Variants in SUGT1 observed in about 807,000 individuals in gnomAD.
SUGT1 encodes the protein SGT1 assembly cochaperone of MIS12 kinetochore complex.
Under a neutral mutation model 56.1 loss-of-function variants are expected in SUGT1, and 15 were observed. That is an observed-to-expected ratio of 0.27 (90% CI 0.18 to 0.41). The LOEUF (loss-of-function observed/expected upper bound fraction) is 0.41. SUGT1 is among the 10% of genes least tolerant of loss of function. The pLI, the probability that SUGT1 is intolerant of heterozygous loss-of-function variation, is 1.00. For missense variants in SUGT1, 347 were observed against 382.2 expected (o/e 0.91, Z 0.77); for synonymous variants, 123 against 128.6 (o/e 0.96, Z 0.30).
chr13:52,699,920 T>C lies in SUGT1; in HGVS notation c.*12085T>C, dbSNP rs1964035957. On this transcript the variant is annotated 3_prime_UTR_variant, in exon 13 of 13. Transcript: ENST00000310528. ...GTCTTTCACACTATCTTGTTACTAT[T>C]AGAATTTTTGTAGCCATGTGCAGAG... 1 of 152,190 alleles carries C rather than the reference T, an allele frequency of 6.6e-6. No individual in the cohort carries two copies. 9.4% of individuals were successfully genotyped at this position (152,190 alleles called of 1,614,324 possible). A position where few individuals can be genotyped will look rare whatever the true frequency, so the allele number is the denominator to read the frequency against.
intron 12 of SUGT1, among the ~76,000 whole-genome samples, chr13:52,683,872 ATTC>A (rs1484886299): frequency 6.6e-6 from 1 of 151,718 alleles, no homozygotes; most frequent in Non-Finnish European, 1.5e-5. Flanking sequence ...ATAGTCCCTT[ATTC>A]TTTTTGTTTT....
At chr13:52,683,934 G>T (rs1963471446) in intron 12 of SUGT1, among the ~76,000 whole-genome samples, 1 of 152,176 alleles carries the variant, frequency 6.6e-6, no homozygotes, top group Admixed American at 6.5e-5. Flanking sequence ...AGGCTAGAGT[G>T]TAGTAGTGTG....
chr13:52,656,468 G>C (rs1962173496), intron 2 of SUGT1, among the ~76,000 whole-genome samples: 1 of 152,064 alleles, frequency 6.6e-6, no homozygotes, highest in Non-Finnish European at 1.5e-5. Context: ...CCATACTGCA[G>C]CCAGAATGAC....
At chr13:52,684,586 G>A (rs1306115214) in intron 12 of SUGT1, among the ~76,000 whole-genome samples, 1 of 151,908 alleles carries the variant, frequency 6.6e-6, no homozygotes, top group Non-Finnish European at 1.5e-5. Context: ...TCGCCCAGAG[G>A]GGAGTGCAGT....
In SUGT1 at chr13:52,693,973, G is replaced by C. The variant is rs1009661480; in HGVS notation, c.*6138G>C. ...TACTTATGATAAAGTTTATAAATTAGGCACAGTAAGATATTAATAATAGAA... is the reference window on the plus strand; with the variant it reads ...TACTTATGATAAAGTTTATAAATTACGCACAGTAAGATATTAATAATAGAA... On this transcript the variant is annotated 3_prime_UTR_variant, in exon 13 of 13. Coordinates refer to ENST00000310528, the MANE Select transcript of SUGT1 (RefSeq NM_006704.5). The C allele has an allele frequency of 6.6e-6, 1 of 151,952 alleles. No individual in the cohort carries two copies. The highest frequency in any genetic ancestry group is 1.5e-5 in the Non-Finnish European group (1 of 68,006). The allele number at this position is 151,952 out of a possible 1,614,324, so 9.4% of individuals were successfully genotyped here.
chr13:52,699,780 T>C lies in SUGT1; in HGVS notation c.*11945T>C, dbSNP rs970413496. On this transcript the variant is annotated 3_prime_UTR_variant, in exon 13 of 13. Coordinates refer to ENST00000310528, the MANE Select transcript of SUGT1 (RefSeq NM_006704.5). The stretch of plus-strand genomic sequence containing the variant: ...AGCTGAAAAGAAAATTCTTAGCAAT[T>C]CATACCTTAGAAGGAACCCTGAAGG... 6 of 152,208 alleles carry C rather than the reference T, an allele frequency of 3.9e-5. No homozygotes were observed. The highest frequency in any genetic ancestry group is 8.8e-5 in the Non-Finnish European group (6 of 68,020). 9.4% of individuals were successfully genotyped at this position (152,208 alleles called of 1,614,324 possible). A position where few individuals can be genotyped will look rare whatever the true frequency, so the allele number is the denominator to read the frequency against.
At chr13:52,653,627 C>T (rs527975108) in intron 2 of SUGT1, among the ~76,000 whole-genome samples, 2 of 152,164 alleles carry the variant, frequency 1.3e-5, no homozygotes, top group South Asian at 4.1e-4. Flanking sequence ...TGTGCAAAGG[C>T]GCTGATTGCT....
chr13:52,697,176 A>T lies in SUGT1; in HGVS notation c.*9341A>T, dbSNP rs1191120121. 2 of 151,418 alleles carry T rather than the reference A, an allele frequency of 1.3e-5. No individual in the cohort carries two copies. The highest frequency in any genetic ancestry group is 1.3e-4 in the Admixed American group (2 of 15,190). The allele number at this position is 151,418 out of a possible 1,614,324, so 9.4% of individuals were successfully genotyped here. On this transcript the variant is annotated 3_prime_UTR_variant, in exon 13 of 13. Transcript: ENST00000310528. ...TGCCACCACTCCCAGCTAATTTTTA[A>T]ATTTTGTGTAGAGATGGGGTCTCCC...
chr13:52,654,182 T>C (rs1230308481), intron 2 of SUGT1, among the ~76,000 whole-genome samples: 1 of 152,206 alleles, frequency 6.6e-6, no homozygotes, highest in Non-Finnish European at 1.5e-5. Context: ...AGGGTCCAGG[T>C]GTGTTTTTTA....
At chr13:52,674,538 A>T (rs985511118) in intron 10 of SUGT1, among the ~76,000 whole-genome samples, 1 of 152,092 alleles carries the variant, frequency 6.6e-6, no homozygotes, top group Non-Finnish European at 1.5e-5. Context: ...TTAAGGTGCA[A>T]ATTTTGAAGG....
At chr13:52,662,001 TTC>T (rs1962478475) in intron 5 of SUGT1, among the ~76,000 whole-genome samples, 1 of 152,244 alleles carries the variant, frequency 6.6e-6, no homozygotes, top group Non-Finnish European at 1.5e-5. Context: ...GTAATCATTG[TTC>T]TGTGTCTCCA....
intron 12 of SUGT1, 67 bp downstream of exon 12, chr13:52,680,222 GT>G: frequency 6.8e-7 from 1 of 1,470,162 alleles, no homozygotes; most frequent in Non-Finnish European, 9.1e-7. Flanking sequence ...GAGAAAATTG[GT>G]AATGTGAGAC....
rs1275459816 is a variant in SUGT1, at chr13:52,696,857, A to G, written c.*9022A>G. ...AGCCACGAGAGCTAATTTTAACTACATTGTTAGAGGTAGTAACAGTTATAT... is the reference window on the plus strand; with the variant it reads ...AGCCACGAGAGCTAATTTTAACTACGTTGTTAGAGGTAGTAACAGTTATAT... On this transcript the variant is annotated 3_prime_UTR_variant, in exon 13 of 13. Coordinates refer to ENST00000310528, the MANE Select transcript of SUGT1 (RefSeq NM_006704.5). The G allele has an allele frequency of 6.7e-6, 1 of 148,320 alleles. No individual in the cohort carries two copies. The highest frequency in any genetic ancestry group is 2.5e-5 in the African/African-American group (1 of 40,090). 9.2% of individuals were successfully genotyped at this position (148,320 alleles called of 1,614,324 possible). A position where few individuals can be genotyped will look rare whatever the true frequency, so the allele number is the denominator to read the frequency against.
intron 8 of SUGT1, among the ~76,000 whole-genome samples, chr13:52,665,059 A>T (rs1438142107): frequency 6.6e-6 from 1 of 152,102 alleles, no homozygotes; most frequent in Non-Finnish European, 1.5e-5. Context: ...ATTGAAGGAA[A>T]GTGTTGTATA....
At chr13:52,670,438 T>C (rs899206198) in intron 10 of SUGT1, among the ~76,000 whole-genome samples, 13 of 152,218 alleles carry the variant, frequency 8.5e-5, no homozygotes, top group African/African-American at 3.1e-4. Flanking sequence ...GGTCACAGTC[T>C]CAGAATTGTG....
At position 52,699,922 on chromosome 13, in the gene SUGT1, G is replaced by T. The variant is rs1010180493; in HGVS notation, c.*12087G>T. On this transcript the variant is annotated 3_prime_UTR_variant, in exon 13 of 13. Transcript: ENST00000310528. ...CTTTCACACTATCTTGTTACTATTA[G>T]AATTTTTGTAGCCATGTGCAGAGGA... The T allele has an allele frequency of 1.3e-5, 2 of 152,166 alleles. No homozygotes were observed. Among genetic ancestry groups the T allele is most frequent in the African/African-American group, 4.8e-5 (2 of 41,444 alleles). The allele number at this position is 152,166 out of a possible 1,614,324, so 9.4% of individuals were successfully genotyped here.
chr13:52,662,576 G>A, intron 5 of SUGT1, 73 bp from the exon 6 acceptor site: 2 of 1,499,618 alleles, frequency 1.3e-6, no homozygotes, highest in South Asian at 2.3e-5. Flanking sequence ...GGATGTAGTA[G>A]GTATTCAGTA....
Position 52,699,345 on chromosome 13 carries a change from T to C in SUGT1, c.*11510T>C, listed in dbSNP as rs4278636. ...AAACACTTTTATCACTGCTAAGATA[T>C]TACTAGAACTGAGCAGAGAAATACT... On this transcript the variant is annotated 3_prime_UTR_variant, in exon 13 of 13. Coordinates refer to ENST00000310528, the MANE Select transcript of SUGT1 (RefSeq NM_006704.5). The C allele has an allele frequency of 0.94, 143,585 of 152,258 alleles. 67,724 individuals carry two copies. Among genetic ancestry groups the C allele is most frequent in the East Asian group, 0.99 (5,139 of 5,182 alleles). The allele number at this position is 152,258 out of a possible 1,614,324, so 9.4% of individuals were successfully genotyped here. A position where few individuals can be genotyped will look rare whatever the true frequency, so the allele number is the denominator to read the frequency against.
chr13:52,675,218 C>T (rs1963096875), intron 10 of SUGT1, among the ~76,000 whole-genome samples: 1 of 152,148 alleles, frequency 6.6e-6, no homozygotes, highest in Admixed American at 6.5e-5. Context: ...TTATTTAGAA[C>T]TTCAGTAACT....
Sources: gnomAD v4.1 joint callset for allele counts (sites outside exome capture counted in the v4.1 genomes callset) on GRCh38, gnomAD v4.1.1 for gene constraint, MANE v1.5 for transcripts, NCBI Gene and HGNC (gene_info 2026-07-23, HGNC 2026-07-21) for gene names.